Variants in PREX2 observed in about 807,000 individuals in gnomAD.
The protein encoded by PREX2 is phosphatidylinositol-3,4,5-trisphosphate dependent Rac exchange factor 2.
Under a neutral mutation model 203.2 loss-of-function variants are expected in PREX2, and 107 were observed. That is an observed-to-expected ratio of 0.53 (90% CI 0.45 to 0.62). The LOEUF is 0.62. Among genes scored for constraint, PREX2 ranks in the 20% least tolerant of loss-of-function variants. The probability of loss-of-function intolerance (pLI) is 0.00; values close to 1 mark genes in which losing one functional copy is unlikely to be tolerated. For synonymous variants in PREX2, 672 were observed against 663.6 expected, an observed-to-expected ratio of 1.01 and a Z score of -0.19; for missense variants, 1,777 against 1,955.9, an observed-to-expected ratio of 0.91 and a Z score of 1.72.
At chr8:68,006,387 G>A (rs1166941571) in intron 1 of PREX2, among the ~76,000 whole-genome samples, 1 of 152,062 alleles carries the variant, frequency 6.6e-6, no homozygotes, top group Non-Finnish European at 1.5e-5. Context: ...TTTTTTATTA[G>A]GCCTGGGGCT....
chr8:68,092,554 G>C (rs1472937137), intron 20 of PREX2, among the ~76,000 whole-genome samples: 1 of 152,002 alleles, frequency 6.6e-6, no homozygotes. Flanking sequence ...AATAAGACTG[G>C]AACTGCTGTT....
intron 35 of PREX2, among the ~76,000 whole-genome samples, chr8:68,162,977 TG>T (rs1427414282): frequency 6.6e-6 from 1 of 152,170 alleles, no homozygotes; most frequent in Non-Finnish European, 1.5e-5. Flanking sequence ...CAGACAAAAA[TG>T]TCCAAATTAT....
At chr8:68,144,090 T>C (rs1009863970) in intron 33 of PREX2, among the ~76,000 whole-genome samples, 2 of 152,188 alleles carry the variant, frequency 1.3e-5, no homozygotes, top group Non-Finnish European at 2.9e-5. Flanking sequence ...TTCATTACTG[T>C]AGTTTTATAG....
chr8:68,105,179 T>C (rs775165544), intron 23 of PREX2: 3 of 1,367,850 alleles, frequency 2.2e-6, no homozygotes, highest in Non-Finnish European at 2.9e-6. Context: ...CAGCACGGCA[T>C]GCTGTCTGGG....
At chr8:68,000,497 C>T (rs1332800863) in intron 1 of PREX2, among the ~76,000 whole-genome samples, 1 of 152,074 alleles carries the variant, frequency 6.6e-6, no homozygotes, top group African/African-American at 2.4e-5. Context: ...AGGAAGAATC[C>T]ATATCATTTA....
In PREX2 at chr8:68,120,964, G is replaced by T. The variant is rs1032023587; in HGVS notation, c.3639G>T (p.Arg1213Ser). Residue 1213 changes from arginine to serine, a missense_variant, in exon 30 of 40, where the codon AGG becomes AGT. Physicochemically the swap from Arg to Ser is moderately radical, Grantham distance 110. Coordinates refer to ENST00000288368, the MANE Select transcript of PREX2 (RefSeq NM_024870.4). ...EMEPKLSCPKRLRLHIKQDPW... is the reference protein window; with the variant it reads ...EMEPKLSCPKSLRLHIKQDPW... Reference sequence around the variant, plus strand: ...AACCAAAGCTGAGTTGTCCAAAAAGGCTACGGCTTCATATCAAGCAAGATC... The same window carrying T: ...AACCAAAGCTGAGTTGTCCAAAAAGTCTACGGCTTCATATCAAGCAAGATC... The T allele has an allele frequency of 6.2e-7, 1 of 1,613,660 alleles. No homozygotes were observed. The highest frequency in any genetic ancestry group is 8.5e-7 in the Non-Finnish European group (1 of 1,179,682).
At chr8:68,105,122 A>G in intron 23 of PREX2, 3 of 1,366,940 alleles carry the variant, frequency 2.2e-6, no homozygotes, top group African/African-American at 1.5e-5. Flanking sequence ...CAAGAACTGT[A>G]CCTTCCATAT....
intron 27 of PREX2, 154 bp downstream of exon 27, chr8:68,118,798 G>C (rs371331180): frequency 2.6e-6 from 2 of 756,588 alleles, no homozygotes; most frequent in African/African-American, 3.4e-5. Flanking sequence ...AGTTTTATGA[G>C]CTTGATAGTC....
chr8:68,070,838 T>G (rs534178584), intron 13 of PREX2, among the ~76,000 whole-genome samples: 2 of 152,268 alleles, frequency 1.3e-5, no homozygotes, highest in East Asian at 3.9e-4. Context: ...ACACACTGTT[T>G]GCAGGTCCTG....
intron 35 of PREX2, among the ~76,000 whole-genome samples, chr8:68,173,894 T>G (rs571637351): frequency 6.6e-6 from 1 of 152,312 alleles, no homozygotes; most frequent in African/African-American, 2.4e-5. Flanking sequence ...AAATGAAAGT[T>G]GGAAGTGTCA....
chr8:68,017,432 CTATT>C (rs1226937367), intron 1 of PREX2, among the ~76,000 whole-genome samples: 3 of 152,182 alleles, frequency 2.0e-5, no homozygotes, highest in African/African-American at 7.2e-5. Context: ...TATCTTCTAT[CTATT>C]TATCTATCTC....
At chr8:68,072,469 G>C in intron 13 of PREX2, 26 bp from the exon 14 acceptor site, 1 of 1,370,330 alleles carries the variant, frequency 7.3e-7, no homozygotes, top group Admixed American at 1.9e-5. Context: ...TTTTTTGTTT[G>C]TTTGTTTTTA....
Position 67,997,955 on chromosome 8 carries a change from T to C in PREX2, c.142-19891T>C, listed in dbSNP as rs557857525. Among the ~76,000 whole-genome samples, 3 of 152,290 alleles carry C rather than the reference T, an allele frequency of 2.0e-5. No homozygotes were observed. The South Asian group carries it at 6.2e-4, about 32-fold the overall frequency. ...TTATTTTAAGATTTTTATCGTGGTA[T>C]TTTTAAAAAGTTTTACCTTCTATTC... On this transcript the variant is annotated intron_variant, in intron 1 of 39. Coordinates refer to ENST00000288368, the MANE Select transcript of PREX2 (RefSeq NM_024870.4).
At chr8:68,096,119 T>C (rs1810065217) in intron 21 of PREX2, among the ~76,000 whole-genome samples, 1 of 152,188 alleles carries the variant, frequency 6.6e-6, no homozygotes, top group Admixed American at 6.5e-5. Context: ...ACATAATATT[T>C]ATCCAAAACA....
chr8:68,040,267 C>G (rs72660852), intron 7 of PREX2, among the ~76,000 whole-genome samples: 28,551 of 152,030 alleles, frequency 0.19, 2,752 homozygotes, highest in African/African-American at 0.23. Flanking sequence ...CCACAAGAAT[C>G]CTCCCATCTC....
In PREX2 at chr8:68,154,732, T is replaced by C. The variant is rs112400786; in HGVS notation, c.4232-2590T>C. On this transcript the variant is annotated intron_variant, in intron 34 of 39. Transcript: ENST00000288368. Reference sequence around the variant, plus strand: ...AGCCTGTCCTTTTCCCTTTGAAGGGTTGCTGAAAATGAACTTGCAATAGGC... The same window carrying C: ...AGCCTGTCCTTTTCCCTTTGAAGGGCTGCTGAAAATGAACTTGCAATAGGC... 1.3e-3 allele frequency among the ~76,000 whole-genome samples: 205 copies of C among 152,258 alleles called. 2 individuals carry two copies. The highest frequency in any genetic ancestry group is 4.6e-3 in the African/African-American group (189 of 41,538).
At chr8:68,008,070 T>G (rs1432480976) in intron 1 of PREX2, among the ~76,000 whole-genome samples, 2 of 152,166 alleles carry the variant, frequency 1.3e-5, no homozygotes, top group Admixed American at 1.3e-4. Flanking sequence ...GGGTTTCAAA[T>G]CCAGGCAGAG....
rs1431095347 is a variant in PREX2, at chr8:68,120,947, C to T, written c.3622C>T (p.Leu1208=). Residue 1208 remains leucine (L), a synonymous_variant, in exon 30 of 40, where the codon CTG becomes TTG. Coordinates refer to ENST00000288368, the MANE Select transcript of PREX2 (RefSeq NM_024870.4). ...QEFQQEMEPK[L]SCPKRLRLHI... ...ATTTCAACAGGAAATGGAACCAAAG[C>T]TGAGTTGTCCAAAAAGGCTACGGCT... is the stretch of plus-strand genomic sequence containing the variant. The T allele has an allele frequency of 6.2e-7, 1 of 1,613,284 alleles. No homozygotes were observed. Among genetic ancestry groups the T allele is most frequent in the Non-Finnish European group, 8.5e-7 (1 of 1,179,516 alleles).
chr8:67,984,248 C>T (rs1563484454), intron 1 of PREX2, among the ~76,000 whole-genome samples: 1 of 152,114 alleles, frequency 6.6e-6, no homozygotes, highest in South Asian at 2.1e-4. Flanking sequence ...TATTCATATA[C>T]ACATCCGTGT....
Sources: gnomAD v4.1 joint callset for allele counts (sites outside exome capture counted in the v4.1 genomes callset) on GRCh38, gnomAD v4.1.1 for gene constraint, MANE v1.5 for transcripts, NCBI Gene and HGNC (gene_info 2026-07-23, HGNC 2026-07-21) for gene names.